CCDC87: variants seen among roughly 807,000 people sequenced by gnomAD.
CCDC87 encodes the protein coiled-coil domain-containing protein 87.
For synonymous variants in CCDC87, 434 were observed against 440.2 expected (o/e 0.99, Z 0.18); for missense variants, 1,072 against 1,041.7 (o/e 1.03, Z -0.40).
chr11:66,590,449 G>A lies in CCDC87; in HGVS notation c.*17C>T, dbSNP rs763164561. 1 of 1,580,268 alleles carries A rather than the reference G, an allele frequency of 6.3e-7. No homozygotes were observed. The highest frequency in any genetic ancestry group is 2.2e-5 in the East Asian group (1 of 44,786). The stretch of plus-strand genomic sequence containing the variant: ...CTGGGCCTGGTCAAGGAGTAATAGG[G>A]GTATTCCCAGGAGCTACTAAAGGCT... On this transcript the variant is annotated 3_prime_UTR_variant, in exon 1 of 1. Coordinates refer to ENST00000333861, the MANE Select transcript of CCDC87 (RefSeq NM_018219.3).
rs758495403 is a variant in CCDC87 at position 66,590,838 on chromosome 11, C to A, written c.2178G>T (p.Lys726Asn). The change falls in exon 1 of 1, where the codon AAG becomes AAT. Residue 726 changes from lysine to asparagine, a missense_variant. By Grantham distance (94) the Lys-to-Asn change is moderately conservative. Transcript: ENST00000333861. ...GCAATGCCTCCCGCAGCTGAATGGG[C>A]TTCAGGGCCCGCTCCCAGGCATTCA... is the stretch of plus-strand genomic sequence containing the variant. Reference protein sequence around the residue: ...SLVNAWERALKPIQLREALLA... With the variant: ...SLVNAWERALNPIQLREALLA... 1.7e-5 allele frequency: 27 copies of A among 1,613,806 alleles called. No individual in the cohort carries two copies. The highest frequency in any genetic ancestry group is 6.7e-5 in the Admixed American group (4 of 60,014).
In CCDC87 at chr11:66,592,524, G is replaced by T; in HGVS notation, c.492C>A (p.Leu164=). The change falls in exon 1 of 1, where the codon CTC becomes CTA. Residue 164 remains leucine, a synonymous_variant. Coordinates refer to ENST00000333861, the MANE Select transcript of CCDC87 (RefSeq NM_018219.3). The part of the protein sequence containing the change: ...LAASLARDCT[L]FLTSPNVYRG... ...GGTAGACGTTGGGACTAGTAAGGAA[G>T]AGTGTGCAGTCCCTGGCGAGGCTGG... 6.2e-7 allele frequency: 1 copy of T among 1,613,502 alleles called. No individual in the cohort carries two copies.
chr11:66,593,021 C>T lies in CCDC87; in HGVS notation c.-6G>A, dbSNP rs371335115. 4.8e-4 allele frequency: 720 copies of T among 1,507,568 alleles called. 3 individuals are homozygous for T. In the African/African-American group the frequency reaches 7.2e-3, roughly 15 times the overall value. 93.4% of individuals were successfully genotyped at this position (1,507,568 alleles called of 1,614,324 possible). ...GGCTTCGGGGGCTCCATCATAGAGC[C>T]GGCGGCCGCCACCGTCCAGGAACAG... On this transcript the variant is annotated 5_prime_UTR_variant, in exon 1 of 1. Transcript: ENST00000333861.
chr11:66,592,057 C>T lies in CCDC87; in HGVS notation c.959G>A (p.Arg320Lys). Residue 320 changes from arginine to lysine, a missense_variant, in exon 1 of 1, where the codon AGG (arginine) becomes AAG (lysine). By Grantham distance (26) the Arg-to-Lys change is conservative. Transcript: ENST00000333861. ...AGGAAGGCCCAACTCATCTGCCAGC[C>T]TCCAGCCCTCACGCAGGGAGGGCAT... The part of the protein sequence containing the change: ...QSMPSLREGW[R>K]LADELGLPPL... 6.2e-7 allele frequency: 1 copy of T among 1,612,126 alleles called. No homozygotes were observed. Among genetic ancestry groups the T allele is most frequent in the Non-Finnish European group, 8.5e-7 (1 of 1,179,046 alleles).
rs367671433 is a variant in CCDC87 at position 66,591,700 on chromosome 11, A to T, written c.1316T>A (p.Val439Asp). The change falls in exon 1 of 1, where the codon GTC (valine) becomes GAC (aspartate). Residue 439 changes from valine (V) to aspartate (D), a missense_variant. Physicochemically the swap from Val to Asp is radical, Grantham distance 152 (BLOSUM62 -3). Transcript: ENST00000333861. ...VTITLKLRNEVVVQAAAVRVS... is the reference protein window; with the variant it reads ...VTITLKLRNEDVVQAAAVRVS... ...CCGTACGGCAGCCGCCTGGACCACG[A>T]CCTCATTTCTAAGCTTCAAAGTAAT... is the stretch of plus-strand genomic sequence containing the variant. 3.5e-5 allele frequency: 57 copies of T among 1,613,458 alleles called. No individual in the cohort carries two copies. Among genetic ancestry groups the T allele is most frequent in the Non-Finnish European group, 4.6e-5 (54 of 1,179,926 alleles).
In CCDC87 at chr11:66,592,729, C is replaced by T. The variant is rs763623346; in HGVS notation, c.287G>A (p.Arg96Gln). The part of the protein sequence containing the change: ...VILDELKCSW[R>Q]EPPAELSLSH... ...CAGACTAAGTTCGGCGGGCGGCTCC[C>T]GCCAGCTGCACTTCAGCTCGTCCAG... The change falls in exon 1 of 1, where the codon CGG becomes CAG. Residue 96 changes from arginine (R) to glutamine (Q), a missense_variant. Arg to Gln is a conservative substitution (Grantham distance 43). Transcript: ENST00000333861. The T allele has an allele frequency of 8.1e-6, 13 of 1,613,884 alleles. No homozygotes were observed. The highest frequency in any genetic ancestry group is 1.1e-5 in the Non-Finnish European group (13 of 1,180,044).
chr11:66,591,226 T>C lies in CCDC87; in HGVS notation c.1790A>G (p.Tyr597Cys). 2.5e-6 allele frequency: 4 copies of C among 1,614,232 alleles called. No individual in the cohort carries two copies. Among genetic ancestry groups the C allele is most frequent in the Non-Finnish European group, 3.4e-6 (4 of 1,180,034 alleles). ...SWKTTLSVDD[Y>C]FKYLTNHETD... is the part of the protein sequence containing the mutation. ...TTCATGGTTGGTGAGGTACTTGAAG[T>C]AGTCATCCACAGACAAGGTGGTTTT... The change falls in exon 1 of 1, where the codon TAC becomes TGC. Residue 597 changes from tyrosine to cysteine, a missense_variant. Physicochemically the swap from Tyr to Cys is radical, Grantham distance 194. Transcript: ENST00000333861.
In CCDC87 at chr11:66,590,510, G is replaced by A; in HGVS notation, c.2506C>T (p.Pro836Ser). ...VRHLVSALKDPHQSTLFRSSA... is the reference protein window; with the variant it reads ...VRHLVSALKDSHQSTLFRSSA... ...CTCCTGAACAGGGTTGACTGGTGGG[G>A]ATCCTTCAGGGCCGAGACCAGGTGG... is the stretch of plus-strand genomic sequence containing the variant. The change falls in exon 1 of 1, where the codon CCC becomes TCC. Residue 836 changes from proline to serine, a missense_variant. By Grantham distance (74) the Pro-to-Ser change is moderately conservative. Coordinates refer to ENST00000333861, the MANE Select transcript of CCDC87 (RefSeq NM_018219.3). 1 of 1,613,794 alleles carries A rather than the reference G, an allele frequency of 6.2e-7. No homozygotes were observed.
In CCDC87 at chr11:66,592,899, C is replaced by T. The variant is rs778678850; in HGVS notation, c.117G>A (p.Pro39=). Reference sequence around the variant, plus strand: ...AGGACTGCAGAATCCGGCCCTCCTGCGGGGGGCGCTTCTGAGGCTCTGGGG... The same window carrying T: ...AGGACTGCAGAATCCGGCCCTCCTGTGGGGGGCGCTTCTGAGGCTCTGGGG... The part of the protein sequence containing the change: ...TTSPEPQKRP[P]QEGRILQSFP... Residue 39 remains proline, a synonymous_variant, in exon 1 of 1, where the codon CCG becomes CCA. Transcript: ENST00000333861. The T allele has an allele frequency of 7.8e-6, 12 of 1,534,152 alleles. No homozygotes were observed. Among genetic ancestry groups the T allele is most frequent in the Non-Finnish European group, 1.1e-5 (12 of 1,142,652 alleles).
chr11:66,591,886 C>G lies in CCDC87; in HGVS notation c.1130G>C (p.Gly377Ala). The change falls in exon 1 of 1, where the codon GGC (glycine) becomes GCC (alanine). Residue 377 changes from glycine (G) to alanine (A), a missense_variant. Transcript: ENST00000333861. ...EGTRYPPLDS[G>A]LPPLLGVVTR... ...CACAACCCCCAGGAGAGGAGGCAGG[C>G]CTGAGTCCAGTGGTGGGTAGCGAGT... 1 of 1,613,918 alleles carries G rather than the reference C, an allele frequency of 6.2e-7. No individual in the cohort carries two copies. The highest frequency in any genetic ancestry group is 1.1e-5 in the South Asian group (1 of 91,070).
Position 66,590,502 on chromosome 11 carries a change from C to T in CCDC87, c.2514G>A (p.Gln838=), listed in dbSNP as rs185723182. 20 of 1,613,406 alleles carry T rather than the reference C, an allele frequency of 1.2e-5. No homozygotes were observed. The Admixed American group carries it at 2.8e-4, about 23-fold the overall frequency. The change falls in exon 1 of 1, where the codon CAG becomes CAA. Residue 838 remains glutamine (Q), a synonymous_variant. Transcript: ENST00000333861. ...HLVSALKDPH[Q]STLFRSSAAS... is the part of the protein sequence containing the mutation. Reference sequence around the variant, plus strand: ...CTGCTGAGCTCCTGAACAGGGTTGACTGGTGGGGATCCTTCAGGGCCGAGA... The same window carrying T: ...CTGCTGAGCTCCTGAACAGGGTTGATTGGTGGGGATCCTTCAGGGCCGAGA...
chr11:66,590,577 TTTGTCACTCTTCATC>T lies in CCDC87; in HGVS notation c.2424_2438del (p.Met809_Lys813del), dbSNP rs1858333622. The T allele has an allele frequency of 6.2e-7, 1 of 1,614,052 alleles. No homozygotes were observed. The highest frequency in any genetic ancestry group is 1.1e-5 in the South Asian group (1 of 91,084). ...GTTGCAGCCAATAGAGCATCTCCAC[TTTGTCACTCTTCATC>T]TTGTCCAGGTAGGGCCGCCCCTTGA... is the stretch of plus-strand genomic sequence containing the variant. On this transcript the variant is annotated inframe_deletion, in exon 1 of 1. Coordinates refer to ENST00000333861, the MANE Select transcript of CCDC87 (RefSeq NM_018219.3).
At position 66,591,243 on chromosome 11, in the gene CCDC87, G is replaced by C; in HGVS notation, c.1773C>G (p.Thr591=). 1 of 1,614,240 alleles carries C rather than the reference G, an allele frequency of 6.2e-7. No homozygotes were observed. The highest frequency in any genetic ancestry group is 8.5e-7 in the Non-Finnish European group (1 of 1,180,042). The change falls in exon 1 of 1, where the codon ACC becomes ACG. Residue 591 remains threonine, a synonymous_variant. Transcript: ENST00000333861. ...KASLMNSWKT[T]LSVDDYFKYL... Reference sequence around the variant, plus strand: ...ACTTGAAGTAGTCATCCACAGACAAGGTGGTTTTCCATGAGTTCATCAAGG... The same window carrying C: ...ACTTGAAGTAGTCATCCACAGACAACGTGGTTTTCCATGAGTTCATCAAGG...
In CCDC87 at chr11:66,591,850, G is replaced by A. The variant is rs1858367540; in HGVS notation, c.1166C>T (p.Pro389Leu). 6.2e-7 allele frequency: 1 copy of A among 1,613,632 alleles called. No homozygotes were observed. The highest frequency in any genetic ancestry group is 1.1e-5 in the South Asian group (1 of 91,052). ...CTCCTCCAGGCGATGCCCTGCAGCTGGGTGACGGGTCACAACCCCCAGGAG... is the reference window on the plus strand; with the variant it reads ...CTCCTCCAGGCGATGCCCTGCAGCTAGGTGACGGGTCACAACCCCCAGGAG... ...PPLLGVVTRH[P>L]AAGHRLEELE... Residue 389 changes from proline (P) to leucine (L), a missense_variant, in exon 1 of 1, where the codon CCA becomes CTA. Transcript: ENST00000333861.
In CCDC87 at chr11:66,592,026, G is replaced by C. The variant is rs1858374132; in HGVS notation, c.990C>G (p.Leu330=). Residue 330 remains leucine, a synonymous_variant, in exon 1 of 1, where the codon CTC becomes CTG. Transcript: ENST00000333861. The part of the protein sequence containing the change: ...RLADELGLPP[L]PSRPLTPLVL... ...CCAGCGGGGTTAAGGGGCGAGATGG[G>C]AGTGGAGGAAGGCCCAACTCATCTG... is the stretch of plus-strand genomic sequence containing the variant. The C allele has an allele frequency of 1.9e-6, 3 of 1,613,756 alleles. No individual in the cohort carries two copies. The highest frequency in any genetic ancestry group is 1.6e-4 in the Middle Eastern group (1 of 6,084).
chr11:66,591,634 C>T lies in CCDC87; in HGVS notation c.1382G>A (p.Gly461Glu). ...CAGATGGTTATACAGGGCTCCGGCC[C>T]CCTCAATGTGGAAAGAGTCTAAGAA... is the stretch of plus-strand genomic sequence containing the variant. ...RNFLDSFHIEGAGALYNHLAG... is the reference protein window; with the variant it reads ...RNFLDSFHIEEAGALYNHLAG... Residue 461 changes from glycine (G) to glutamate (E), a missense_variant, in exon 1 of 1, where the codon GGG becomes GAG. Coordinates refer to ENST00000333861, the MANE Select transcript of CCDC87 (RefSeq NM_018219.3). 2 of 1,614,006 alleles carry T rather than the reference C, an allele frequency of 1.2e-6. No homozygotes were observed. The highest frequency in any genetic ancestry group is 1.1e-5 in the South Asian group (1 of 91,078).
chr11:66,592,266 C>T lies in CCDC87; in HGVS notation c.750G>A (p.Lys250=). 2 of 1,614,202 alleles carry T rather than the reference C, an allele frequency of 1.2e-6. No homozygotes were observed. The highest frequency in any genetic ancestry group is 1.7e-6 in the Non-Finnish European group (2 of 1,180,028). ...TCAACCGAGGGATGGACTTCAATTC[C>T]TTCACTGGATCCATCCTTCCTGGCT... is the stretch of plus-strand genomic sequence containing the variant. ...LNEPGRMDPV[K]ELKSIPRLKR... is the part of the protein sequence containing the mutation. Residue 250 remains lysine (K), a synonymous_variant, in exon 1 of 1, where the codon AAG becomes AAA. Transcript: ENST00000333861.
At position 66,592,390 on chromosome 11, in the gene CCDC87, A is replaced by AT. The variant is rs1858385164; in HGVS notation, c.625dup (p.Ile209AsnfsTer16). On this transcript the variant is annotated frameshift_variant, in exon 1 of 1. Coordinates refer to ENST00000333861, the MANE Select transcript of CCDC87 (RefSeq NM_018219.3). LOFTEE classifies it low-confidence loss of function (END_TRUNC). ...GAAGCCAGTGCTGTGAGGCCAGGGG[A>AT]TAGGGCACAGCTTGAACGTCCCAGC... The AT allele has an allele frequency of 6.2e-7, 1 of 1,613,954 alleles. No individual in the cohort carries two copies. The highest frequency in any genetic ancestry group is 8.5e-7 in the Non-Finnish European group (1 of 1,180,026).
In CCDC87 at chr11:66,591,520, A is replaced by C; in HGVS notation, c.1496T>G (p.Met499Arg). Reference protein sequence around the residue: ...STTREVYKELMSHVSSDHLHF... With the variant: ...STTREVYKELRSHVSSDHLHF... ...TAAGTGGTCAGAAGAGACATGGCTC[A>C]TCAACTCCTTGTAGACCTCCCTGGT... is the stretch of plus-strand genomic sequence containing the variant. The change falls in exon 1 of 1, where the codon ATG becomes AGG. Residue 499 changes from methionine to arginine, a missense_variant. Met to Arg is a moderately conservative substitution (Grantham distance 91). Transcript: ENST00000333861. The C allele has an allele frequency of 1.2e-6, 2 of 1,614,184 alleles. No homozygotes were observed. Among genetic ancestry groups the C allele is most frequent in the Non-Finnish European group, 1.7e-6 (2 of 1,180,042 alleles).
Sources: gnomAD v4.1 joint callset for allele counts on GRCh38, gnomAD v4.1.1 for gene constraint, MANE v1.5 for transcripts, NCBI Gene and HGNC (gene_info 2026-07-23, HGNC 2026-07-21) for gene names.